RARB: variants seen among roughly 807,000 people sequenced by gnomAD.
RARB encodes the protein retinoic acid receptor beta.
Under a neutral mutation model 51.9 loss-of-function variants are expected in RARB, and 17 were observed. The ratio of observed to expected loss-of-function variants is 0.33; its 90% CI spans 0.22 to 0.49. The LOEUF (loss-of-function observed/expected upper bound fraction) is 0.49, where lower values mean the gene tolerates loss of function less well. RARB is among the 20% of genes least tolerant of loss of function. RARB has a pLI of 0.99. For missense variants in RARB, 369 were observed against 550.8 expected, an observed-to-expected ratio of 0.67 and a Z score of 3.30; for synonymous variants, 215 against 195.4, an observed-to-expected ratio of 1.10 and a Z score of -0.84.
Position 24,881,935 on chromosome 3 carries a change from T to C in RARB, c.-380+23183T>C, listed in dbSNP as rs570665298. On this transcript the variant is annotated intron_variant, in intron 2 of 11. Coordinates refer to the RARB transcript ENST00000383772. ...AGACCAAAAATATTGACTCAATTTT[T>C]AGCTCTTGGGAAAACAGTTTTATGA... Among the ~76,000 whole-genome samples, 30 of 152,334 alleles carry C rather than the reference T, an allele frequency of 2.0e-4. 1 individual carries two copies. The South Asian group carries it at 5.8e-3, about 29-fold the overall frequency.
chr3:25,349,679 A>G (rs73156037), intron 5 of RARB, among the ~76,000 whole-genome samples: 2,591 of 152,296 alleles, frequency 0.017, 80 homozygotes, highest in African/African-American at 0.059. Context: ...AAAAATTTAA[A>G]CCAAAGTTGT....
chr3:25,292,154 C>T (rs1255774579), intron 5 of RARB, among the ~76,000 whole-genome samples: 1 of 152,066 alleles, frequency 6.6e-6, no homozygotes, highest in African/African-American at 2.4e-5. Flanking sequence ...AGAGTTGGCT[C>T]TCTTGTCCCC....
In RARB at chr3:25,158,017, C is replaced by T. The variant is rs140502565; in HGVS notation, c.-279-16102C>T. ...GTTATCTTGACTTCAAAAGAATGCA[C>T]GTGTATAAATAGCAATTTTCTCCAT... On this transcript the variant is annotated intron_variant, in intron 4 of 11. Coordinates refer to the RARB transcript ENST00000383772. 2.8e-3 allele frequency among the ~76,000 whole-genome samples: 424 copies of T among 152,324 alleles called. 4 individuals carry two copies. Among genetic ancestry groups the T allele is most frequent in the African/African-American group, 9.7e-3 (403 of 41,568 alleles).
chr3:24,891,249 A>G (rs1442329369), intron 2 of RARB, among the ~76,000 whole-genome samples: 4 of 152,206 alleles, frequency 2.6e-5, no homozygotes, highest in South Asian at 4.1e-4. Context: ...TATCTTCCAA[A>G]CTAGGCTATG....
At chr3:25,113,471 G>A (rs1699636473) in intron 3 of RARB, among the ~76,000 whole-genome samples, 1 of 152,166 alleles carries the variant, frequency 6.6e-6, no homozygotes, top group Admixed American at 6.5e-5. Flanking sequence ...AGGAAATGAA[G>A]TTGTCTTCTG....
intron 2 of RARB, among the ~76,000 whole-genome samples, chr3:25,052,620 A>G (rs2125300334): frequency 6.6e-6 from 1 of 152,324 alleles, no homozygotes; most frequent in Non-Finnish European, 1.5e-5. Flanking sequence ...ACCACATAGC[A>G]GCATGGAAAA....
At chr3:24,849,203 T>C (rs1205660465) in intron 1 of RARB, among the ~76,000 whole-genome samples, 3 of 152,184 alleles carry the variant, frequency 2.0e-5, no homozygotes, top group African/African-American at 4.8e-5. Flanking sequence ...ATTATAACAA[T>C]ATACTGTAAA....
intron 2 of RARB, among the ~76,000 whole-genome samples, chr3:24,880,756 A>C (rs1418418461): frequency 3.9e-5 from 6 of 152,214 alleles, no homozygotes; most frequent in Admixed American, 3.3e-4. Flanking sequence ...CCAGACACTA[A>C]AGAGATTTGC....
chr3:25,061,006 A>G (rs1405264208), intron 3 of RARB, among the ~76,000 whole-genome samples: 1 of 151,902 alleles, frequency 6.6e-6, no homozygotes, highest in Non-Finnish European at 1.5e-5. Context: ...GACTTACATC[A>G]TATGGATCCC....
At chr3:25,116,387 G>A (rs1224902112) in intron 3 of RARB, among the ~76,000 whole-genome samples, 2 of 151,602 alleles carry the variant, frequency 1.3e-5, no homozygotes, top group African/African-American at 4.9e-5. Context: ...CATGACCTAA[G>A]TAATCCCCAT....
intron 2 of RARB, among the ~76,000 whole-genome samples, chr3:24,903,207 A>G (rs563382892): frequency 6.6e-6 from 1 of 152,240 alleles, no homozygotes; most frequent in Admixed American, 6.5e-5. Context: ...CTCTTACAAT[A>G]GGACAGCATT....
At chr3:25,552,438 TG>T (rs35063980) in intron 3 of RARB, among the ~76,000 whole-genome samples, 5,156 of 152,018 alleles carry the variant, frequency 0.034, 108 homozygotes, top group Non-Finnish European at 0.053. Flanking sequence ...GACTGTGCTT[TG>T]GTTGTTAATT....
chr3:25,226,208 A>G (rs540697447), intron 5 of RARB, among the ~76,000 whole-genome samples: 4 of 152,186 alleles, frequency 2.6e-5, no homozygotes, highest in South Asian at 2.1e-4. Context: ...AATATTTTCA[A>G]TTAGACTTCA....
chr3:25,286,083 C>CTTTTTTTT (rs33947703), intron 5 of RARB, among the ~76,000 whole-genome samples: 1 of 76,476 alleles, frequency 1.3e-5, no homozygotes, highest in Non-Finnish European at 2.3e-5. Context: ...TGATCTTTCT[C>CTTTTTTTT]TTTTTTTTTT....
intron 2 of RARB, among the ~76,000 whole-genome samples, chr3:25,490,635 T>G (rs566753244): frequency 6.6e-6 from 1 of 152,330 alleles, no homozygotes; most frequent in South Asian, 2.1e-4. Flanking sequence ...GATTTAGTAA[T>G]TAATGTACAA....
intron 4 of RARB, among the ~76,000 whole-genome samples, chr3:25,153,279 T>G (rs1346817648): frequency 6.6e-6 from 1 of 152,144 alleles, no homozygotes; most frequent in Non-Finnish European, 1.5e-5. Flanking sequence ...AGAAGTGTTG[T>G]TTTGTGCACG....
intron 5 of RARB, among the ~76,000 whole-genome samples, chr3:25,336,927 A>G (rs1030730781): frequency 6.6e-6 from 1 of 152,328 alleles, no homozygotes; most frequent in South Asian, 2.1e-4. Flanking sequence ...GGGAGGAAAG[A>G]TAAAGGACAA....
chr3:25,544,242 C>G (rs996956549), intron 3 of RARB, among the ~76,000 whole-genome samples: 14 of 151,930 alleles, frequency 9.2e-5, no homozygotes, highest in Non-Finnish European at 1.8e-4. Flanking sequence ...TAAAATGAAT[C>G]AAAATGTTAA....
intron 5 of RARB, among the ~76,000 whole-genome samples, chr3:25,198,107 A>G (rs959955235): frequency 6.6e-6 from 1 of 152,156 alleles, no homozygotes; most frequent in Non-Finnish European, 1.5e-5. Context: ...TAGAGAATCC[A>G]GGAATAAATC....
Sources: allele counts gnomAD v4.1 joint callset (sites outside exome capture counted in the v4.1 genomes callset), GRCh38; gene constraint gnomAD v4.1.1; transcripts MANE v1.5; gene names NCBI Gene and HGNC (gene_info 2026-07-23, HGNC 2026-07-21).